Variants in UBE2E2 observed in about 807,000 individuals in gnomAD.
UBE2E2 encodes ubiquitin-conjugating enzyme E2 E2.
In UBE2E2, 6 loss-of-function variants were observed where a neutral mutation model predicts 24.7. The ratio of observed to expected loss-of-function variants is 0.24; its 90% CI spans 0.13 to 0.48. UBE2E2 has a LOEUF of 0.48. UBE2E2 is among the 20% of genes least tolerant of loss of function. UBE2E2 has a pLI of 0.99. For missense variants in UBE2E2, 169 were observed against 245.0 expected, an observed-to-expected ratio of 0.69 and a Z score of 2.07; for synonymous variants, 104 against 83.6, an observed-to-expected ratio of 1.24 and a Z score of -1.33.
intron 3 of UBE2E2, among the ~76,000 whole-genome samples, chr3:23,481,590 T>G (rs1699261369): frequency 6.6e-6 from 1 of 152,248 alleles, no homozygotes. Context: ...AGAAGGTGTT[T>G]TTAATTATTC....
chr3:23,241,766 C>T (rs1384193684), intron 3 of UBE2E2, among the ~76,000 whole-genome samples: 1 of 152,168 alleles, frequency 6.6e-6, no homozygotes, highest in Non-Finnish European at 1.5e-5. Context: ...AAGACACTTA[C>T]AGTTTGAAAA....
intron 4 of UBE2E2, among the ~76,000 whole-genome samples, chr3:23,502,234 C>CT: frequency 6.9e-6 from 1 of 143,918 alleles, no homozygotes. Flanking sequence ...CTCTTTTGCT[C>CT]TTTTTTTTTT....
chr3:23,498,319 T>C (rs938537595), intron 3 of UBE2E2, among the ~76,000 whole-genome samples: 1 of 152,176 alleles, frequency 6.6e-6, no homozygotes, highest in Non-Finnish European at 1.5e-5. Context: ...AAAAATCCAG[T>C]TTCTCTGTTT....
rs1022161129 is a variant in UBE2E2 at position 23,541,737 on chromosome 3, T to C, written c.508+9036T>C. 1.1e-4 allele frequency among the ~76,000 whole-genome samples: 16 copies of C among 152,324 alleles called. No homozygotes were observed. The East Asian group carries it at 2.1e-3, about 20-fold the overall frequency. ...CAGCACTGTCTTCCTTCTGAAAGCA[T>C]TTTCCCAAATAAGACATATTGTTTG... On this transcript the variant is annotated intron_variant, in intron 5 of 5. Transcript: ENST00000396703.
At chr3:23,410,877 A>T (rs1353563452) in intron 3 of UBE2E2, among the ~76,000 whole-genome samples, 1 of 152,194 alleles carries the variant, frequency 6.6e-6, no homozygotes, top group African/African-American at 2.4e-5. Flanking sequence ...ATGGGAGAAG[A>T]TGACAGAAAA....
rs1167858083 is a variant in UBE2E2, at chr3:23,407,203, T to C, written c.228-92405T>C. ...AATGGCCTGGAAAAAAAAAAGGTCT[T>C]GACCACTGTGCAGGTGAGCATCAAG... On this transcript the variant is annotated intron_variant, in intron 3 of 5. Coordinates refer to ENST00000396703, the MANE Select transcript of UBE2E2 (RefSeq NM_152653.4). The surrounding 1 kb of genome is among the most constrained non-coding windows in gnomAD (Gnocchi z 4.0). Among the ~76,000 whole-genome samples, 1 of 152,110 alleles carries C rather than the reference T, an allele frequency of 6.6e-6. No individual in the cohort carries two copies. The highest frequency in any genetic ancestry group is 6.6e-5 in the Admixed American group (1 of 15,256).
At chr3:23,278,982 T>C (rs904875922) in intron 3 of UBE2E2, among the ~76,000 whole-genome samples, 1 of 152,190 alleles carries the variant, frequency 6.6e-6, no homozygotes, top group African/African-American at 2.4e-5. Flanking sequence ...GGATACTAAA[T>C]TATCCCTTCT....
intron 4 of UBE2E2, among the ~76,000 whole-genome samples, chr3:23,514,241 C>T (rs1694677097): frequency 2.6e-5 from 4 of 152,216 alleles, no homozygotes; most frequent in Admixed American, 2.0e-4. Flanking sequence ...TTCTGACCAC[C>T]TTCTATAAAC....
In UBE2E2 at chr3:23,381,998, G is replaced by A. The variant is rs1472904624; in HGVS notation, c.228-117610G>A. ...TCTAAAGATTCTTCTCCATTCCCCC[G>A]CTACTTTCCCATCCAGGGGATTATT... is the stretch of plus-strand genomic sequence containing the variant. On this transcript the variant is annotated intron_variant, in intron 3 of 5. Coordinates refer to ENST00000396703, the MANE Select transcript of UBE2E2 (RefSeq NM_152653.4). Among the ~76,000 whole-genome samples, 3 of 152,018 alleles carry A rather than the reference G, an allele frequency of 2.0e-5. No individual in the cohort carries two copies. The East Asian group carries it at 5.8e-4, about 29-fold the overall frequency.
At chr3:23,204,853 A>G (rs996346601) in intron 1 of UBE2E2, 2 of 729,102 alleles carry the variant, frequency 2.7e-6, no homozygotes, top group Non-Finnish European at 3.4e-6. Flanking sequence ...ATATGACAGA[A>G]TTAAACGCTT....
At chr3:23,341,828 G>T (rs1335627058) in intron 3 of UBE2E2, among the ~76,000 whole-genome samples, 2 of 152,100 alleles carry the variant, frequency 1.3e-5, no homozygotes, top group African/African-American at 4.8e-5. Flanking sequence ...CAGTCAGCTA[G>T]CTGTGTATCA....
intron 3 of UBE2E2, among the ~76,000 whole-genome samples, chr3:23,281,402 C>T (rs750300237): frequency 6.6e-5 from 10 of 152,112 alleles, no homozygotes; most frequent in Non-Finnish European, 8.8e-5. Flanking sequence ...GAGGCTGAGA[C>T]GAAGGATTGC....
chr3:23,347,649 C>A (rs1342999174), intron 3 of UBE2E2, among the ~76,000 whole-genome samples: 1 of 152,012 alleles, frequency 6.6e-6, no homozygotes, highest in Non-Finnish European at 1.5e-5. Context: ...ACATGTATAC[C>A]TATGTAACAA....
At chr3:23,350,298 GA>G (rs1226318295) in intron 3 of UBE2E2, among the ~76,000 whole-genome samples, 3 of 152,172 alleles carry the variant, frequency 2.0e-5, no homozygotes, top group Non-Finnish European at 4.4e-5. Flanking sequence ...AAACAGAGCA[GA>G]AAAACTGGAA....
rs372097487 is a variant in UBE2E2 at position 23,498,449 on chromosome 3, G to A, written c.228-1159G>A. On this transcript the variant is annotated intron_variant, in intron 3 of 5. Transcript: ENST00000396703. ...GAAAAAATTTTAAAATCAACTTGTC[G>A]AGTTTTGGTTTTAAAAAGCAGTTGG... 1.2e-4 allele frequency among the ~76,000 whole-genome samples: 18 copies of A among 152,166 alleles called. No individual in the cohort carries two copies. The South Asian group carries it at 1.2e-3, about 11-fold the overall frequency.
At chr3:23,453,347 GT>G (rs200420807) in intron 3 of UBE2E2, among the ~76,000 whole-genome samples, 7 of 148,882 alleles carry the variant, frequency 4.7e-5, no homozygotes, top group African/African-American at 1.2e-4. Context: ...ATTTGTTTCT[GT>G]TTTTTTTTGT....
At position 23,377,626 on chromosome 3, in the gene UBE2E2, A is replaced by C. The variant is rs1429662851; in HGVS notation, c.228-121982A>C. ...AAGATGCTTTTAGGATCTGGCATCG[A>C]AAATGTAGAGCTCATGCTCTGGAAT... On this transcript the variant is annotated intron_variant, in intron 3 of 5. Transcript: ENST00000396703. Among the ~76,000 whole-genome samples, 4 of 152,212 alleles carry C rather than the reference A, an allele frequency of 2.6e-5. No individual in the cohort carries two copies. The East Asian group carries it at 7.7e-4, about 29-fold the overall frequency.
intron 3 of UBE2E2, among the ~76,000 whole-genome samples, chr3:23,231,973 C>T (rs1696986354): frequency 6.6e-6 from 1 of 152,194 alleles, no homozygotes; most frequent in South Asian, 2.1e-4. Context: ...ACGTCAGCCT[C>T]CATGTGTTCA....
chr3:23,225,555 A>G (rs1012317769), intron 3 of UBE2E2, among the ~76,000 whole-genome samples: 1 of 152,088 alleles, frequency 6.6e-6, no homozygotes, highest in East Asian at 1.9e-4. Flanking sequence ...TGAAAAGACT[A>G]TTTTTTACAC....
Sources: allele counts gnomAD v4.1 joint callset (sites outside exome capture counted in the v4.1 genomes callset), GRCh38; gene constraint gnomAD v4.1.1; non-coding constraint Gnocchi (gnomAD v3.1); transcripts MANE v1.5; gene names NCBI Gene and HGNC (gene_info 2026-07-23, HGNC 2026-07-21).